PLA2G12B: variants seen among roughly 807,000 people sequenced by gnomAD.
PLA2G12B encodes the protein phospholipase A2 group XIIB.
A neutral mutation model predicts 22.3 loss-of-function variants in PLA2G12B; 19 were observed. The observed-to-expected ratio is 0.85, with a 90% CI of 0.60 to 1.25. PLA2G12B has a LOEUF of 1.25. Among genes scored for constraint, PLA2G12B ranks in the 50% most tolerant of loss-of-function variants. The pLI is 0.00. For missense variants in PLA2G12B, 191 were observed against 246.6 expected (o/e 0.77, Z 1.51); for synonymous variants, 81 against 94.9 (o/e 0.85, Z 0.85).
intron 3 of PLA2G12B, among the ~76,000 whole-genome samples, chr10:72,939,398 A>G (rs1363965283): frequency 2.0e-5 from 3 of 150,826 alleles, no homozygotes; most frequent in Non-Finnish European, 4.4e-5. Flanking sequence ...TGAGGCCCAT[A>G]AGGAAAAATC....
At chr10:72,943,467 C>A (rs1185119160) in intron 1 of PLA2G12B, among the ~76,000 whole-genome samples, 1 of 152,134 alleles carries the variant, frequency 6.6e-6, no homozygotes, top group Non-Finnish European at 1.5e-5. Flanking sequence ...GTTTAACTTG[C>A]AGGAAATTCA....
chr10:72,948,156 G>A (rs1258538161), intron 1 of PLA2G12B, among the ~76,000 whole-genome samples: 1 of 152,192 alleles, frequency 6.6e-6, no homozygotes, highest in Admixed American at 6.5e-5. Flanking sequence ...GGTTACAGGT[G>A]TGAGCCACCT....
intron 1 of PLA2G12B, among the ~76,000 whole-genome samples, chr10:72,951,659 C>T (rs1417282259): frequency 5.3e-5 from 8 of 152,028 alleles, no homozygotes; most frequent in African/African-American, 1.7e-4. Context: ...CAGGGTTTCA[C>T]CGTGTTAGCC....
chr10:72,954,653 C>A lies in PLA2G12B; in HGVS notation c.33G>T (p.Trp11Cys). The A allele has an allele frequency of 1.9e-6, 3 of 1,614,002 alleles. No homozygotes were observed. The highest frequency in any genetic ancestry group is 2.5e-6 in the Non-Finnish European group (3 of 1,179,978). MKLASGFLVL[W>C]LSLGGGLAQS... is the part of the protein sequence containing the mutation. Reference sequence around the variant, plus strand: ...GAGCCAGGCCACCCCCAAGGCTGAGCCACAAAACCAAGAAGCCACTGGCCA... The same window carrying A: ...GAGCCAGGCCACCCCCAAGGCTGAGACACAAAACCAAGAAGCCACTGGCCA... The change falls in exon 1 of 4, where the codon TGG (tryptophan) becomes TGT (cysteine). Residue 11 changes from tryptophan to cysteine, a missense_variant. By Grantham distance (215) the Trp-to-Cys change is radical. Transcript: ENST00000373032.
intron 2 of PLA2G12B, among the ~76,000 whole-genome samples, chr10:72,941,823 TGTGTGTGTGG>T (rs919181178): frequency 2.0e-5 from 3 of 152,078 alleles, no homozygotes; most frequent in African/African-American, 7.2e-5. Context: ...CGTGTGTGTG[TGTGTGTGTGG>T]GTGTGTGTGT....
At chr10:72,939,034 T>C (rs1846319628) in intron 3 of PLA2G12B, among the ~76,000 whole-genome samples, 1 of 152,210 alleles carries the variant, frequency 6.6e-6, no homozygotes, top group Admixed American at 6.5e-5. Flanking sequence ...ATGTCCAGAA[T>C]AGGCAGTTCT....
intron 1 of PLA2G12B, among the ~76,000 whole-genome samples, chr10:72,946,238 C>T (rs1306482844): frequency 1.3e-5 from 2 of 152,188 alleles, no homozygotes; most frequent in Non-Finnish European, 2.9e-5. Context: ...GCTTCTTTCT[C>T]TTAGCAAAAT....
intron 1 of PLA2G12B, among the ~76,000 whole-genome samples, chr10:72,948,032 G>T (rs536894162): frequency 1.3e-5 from 2 of 151,986 alleles, no homozygotes; most frequent in Non-Finnish European, 2.9e-5. Context: ...CTGCCACCAC[G>T]CCCGGCTAAT....
intron 3 of PLA2G12B, among the ~76,000 whole-genome samples, chr10:72,938,706 T>C (rs1846315691): frequency 6.6e-6 from 1 of 152,210 alleles, no homozygotes; most frequent in South Asian, 2.1e-4. Flanking sequence ...GGAAAGGACA[T>C]TGATATAAAT....
intron 2 of PLA2G12B, among the ~76,000 whole-genome samples, chr10:72,942,149 G>GTGT (rs962797141): frequency 7.4e-6 from 1 of 135,960 alleles, no homozygotes; most frequent in Non-Finnish European, 1.6e-5. Context: ...CAGGGCGTCG[G>GTGT]GTGTGTGTGT....
chr10:72,951,626 T>C (rs1044856314), intron 1 of PLA2G12B, among the ~76,000 whole-genome samples: 3 of 151,750 alleles, frequency 2.0e-5, no homozygotes, highest in African/African-American at 7.3e-5. Flanking sequence ...CCCGGCTAAT[T>C]TTTTTTGTAT....
intron 3 of PLA2G12B, among the ~76,000 whole-genome samples, chr10:72,936,697 C>T (rs1036168122): frequency 4.6e-5 from 7 of 152,082 alleles, no homozygotes; most frequent in African/African-American, 7.2e-5. Flanking sequence ...GGTTGTACAA[C>T]TCTGAATATA....
At position 72,934,807 on chromosome 10, in the gene PLA2G12B, G is replaced by A. The variant is rs1415436762; in HGVS notation, c.*810C>T. ...TAATCCATAGTTAGGCTTGAGACCCGCAAGTTAGGGAATGGCCACTTGTCT... is the reference window on the plus strand; with the variant it reads ...TAATCCATAGTTAGGCTTGAGACCCACAAGTTAGGGAATGGCCACTTGTCT... On this transcript the variant is annotated 3_prime_UTR_variant, in exon 4 of 4. Transcript: ENST00000373032. 2.6e-5 allele frequency among the ~76,000 whole-genome samples: 4 copies of A among 152,124 alleles called. No individual in the cohort carries two copies. Among genetic ancestry groups the A allele is most frequent in the African/African-American group, 9.7e-5 (4 of 41,428 alleles).
chr10:72,942,433 G>C (rs1302946327), intron 2 of PLA2G12B, among the ~76,000 whole-genome samples: 1 of 152,094 alleles, frequency 6.6e-6, no homozygotes, highest in Non-Finnish European at 1.5e-5. Flanking sequence ...TGATTTCAAA[G>C]TTCTGATCCA....
rs138180270 is a variant in PLA2G12B at position 72,954,476 on chromosome 10, A to G, written c.210T>C (p.Tyr70=). The stretch of plus-strand genomic sequence containing the variant: ...CAGAAAGAGAAACCGCACACTCACC[A>G]TATCGGCACCTGTACTGACAGACTC... ...KNGVCQYRCR[Y]GKAPMPRPGY... Residue 70 remains tyrosine, a splice_region_variant and synonymous_variant, in exon 1 of 4, where the codon TAT becomes TAC. Transcript: ENST00000373032. 4.7e-5 allele frequency: 76 copies of G among 1,614,072 alleles called. No homozygotes were observed. In the African/African-American group the frequency reaches 8.9e-4, roughly 19 times the overall value.
intron 3 of PLA2G12B, 25 bp downstream of exon 3, chr10:72,941,144 C>A: frequency 4.3e-6 from 7 of 1,609,592 alleles, no homozygotes; most frequent in Non-Finnish European, 5.1e-6. Flanking sequence ...TCCCTGTGCA[C>A]TGTACGTGCC....
At chr10:72,943,797 G>C (rs1340373705) in intron 1 of PLA2G12B, among the ~76,000 whole-genome samples, 2 of 152,144 alleles carry the variant, frequency 1.3e-5, no homozygotes, top group African/African-American at 2.4e-5. Flanking sequence ...AGAGAAAGTG[G>C]GGGAAATAGG....
At chr10:72,942,400 GCCTCAGCTGACATTTTCAGT>G (rs1160009080) in intron 2 of PLA2G12B, among the ~76,000 whole-genome samples, 1 of 152,062 alleles carries the variant, frequency 6.6e-6, no homozygotes, top group Non-Finnish European at 1.5e-5. Flanking sequence ...GATGCCCTAA[GCCTCAGCTGACATTTTCAGT>G]GGTGATTTCA....
chr10:72,939,704 G>A (rs746710549), intron 3 of PLA2G12B, among the ~76,000 whole-genome samples: 1 of 152,146 alleles, frequency 6.6e-6, no homozygotes, highest in Non-Finnish European at 1.5e-5. Context: ...TAGAATCTAC[G>A]AAGGGACAGT....
Sources: gnomAD v4.1 joint callset for allele counts (sites outside exome capture counted in the v4.1 genomes callset) on GRCh38, gnomAD v4.1.1 for gene constraint, MANE v1.5 for transcripts, NCBI Gene and HGNC (gene_info 2026-07-23, HGNC 2026-07-21) for gene names.